AKR1E2: variants seen among roughly 807,000 people sequenced by gnomAD.
AKR1E2 encodes the protein aldo-keto reductase family 1 member E2.
In AKR1E2, 43 loss-of-function variants were observed where a neutral mutation model predicts 41.9. That is an observed-to-expected ratio of 1.03 (90% CI 0.80 to 1.32). The LOEUF is 1.32. Among genes scored for constraint, AKR1E2 ranks in the 40% most tolerant of loss-of-function variants. The pLI, the probability that AKR1E2 is intolerant of heterozygous loss-of-function variation, is 0.00. For missense variants in AKR1E2, 423 were observed against 396.5 expected (o/e 1.07, Z -0.57); for synonymous variants, 121 against 138.9 (o/e 0.87, Z 0.91).
At chr10:4,830,241 T>C (rs187488362) in intron 1 of AKR1E2, among the ~76,000 whole-genome samples, 157 of 152,322 alleles carry the variant, frequency 1.0e-3, no homozygotes, top group African/African-American at 3.5e-3. Flanking sequence ...TATACATTCA[T>C]TTAGGTTTTG....
chr10:4,854,597 G>A, the AKR1E2 span, among the ~76,000 whole-genome samples: 1 of 152,128 alleles, frequency 6.6e-6, no homozygotes, highest in Non-Finnish European at 1.5e-5. Context: ...GGTGGGTGGG[G>A]TCCAGTAACA....
the AKR1E2 span, among the ~76,000 whole-genome samples, chr10:4,856,130 G>T: frequency 6.6e-6 from 1 of 152,318 alleles, no homozygotes; most frequent in Non-Finnish European, 1.5e-5. Context: ...TACATGCAAG[G>T]TATGTAAAGA....
the AKR1E2 span, among the ~76,000 whole-genome samples, chr10:4,858,323 C>A: frequency 1.3e-5 from 2 of 152,136 alleles, no homozygotes; most frequent in Non-Finnish European, 2.9e-5. Context: ...AAGTTGGGTA[C>A]TGTTTTTATA....
intron 2 of AKR1E2, among the ~76,000 whole-genome samples, 200 bp downstream of exon 2, chr10:4,831,042 A>C (rs886130912): frequency 6.6e-6 from 1 of 152,230 alleles, no homozygotes; most frequent in Non-Finnish European, 1.5e-5. Flanking sequence ...TTCAGGTAGG[A>C]GTACACAGAT....
In AKR1E2 at chr10:4,835,740, G is replaced by T; in HGVS notation, c.390G>T (p.Val130=). The T allele has an allele frequency of 1.9e-6, 3 of 1,614,148 alleles. No individual in the cohort carries two copies. The highest frequency in any genetic ancestry group is 2.5e-6 in the Non-Finnish European group (3 of 1,180,030). Residue 130 remains valine (V), a synonymous_variant, in exon 4 of 10, where the codon GTG becomes GTT. Coordinates refer to ENST00000298375, the MANE Select transcript of AKR1E2 (RefSeq NM_001040177.3). ...ELSFCLSHPR[V]QDLPLDESNM... ...CCTTCTGCCTCTCACATCCTCGAGT[G>T]CAGGACTTGCCTCTGGACGAGAGCA...
the AKR1E2 span, among the ~76,000 whole-genome samples, chr10:4,864,395 T>C: frequency 1.3e-5 from 2 of 152,248 alleles, no homozygotes; most frequent in East Asian, 1.9e-4. Context: ...AAAAGGCCTT[T>C]GACAAAATTC....
chr10:4,842,524 T>A lies in AKR1E2; in HGVS notation c.837+20T>A. ...ATCCAGGTAGGTGTATTCCTTCTTT[T>A]ATTTGGCGGGTTTCAGATCATGTGT... On this transcript the variant is annotated intron_variant, in intron 8 of 9. Coordinates refer to ENST00000298375, the MANE Select transcript of AKR1E2 (RefSeq NM_001040177.3). The A allele has an allele frequency of 6.2e-7, 1 of 1,610,200 alleles. No individual in the cohort carries two copies. Among genetic ancestry groups the A allele is most frequent in the Non-Finnish European group, 8.5e-7 (1 of 1,176,786 alleles).
At chr10:4,855,260 G>GA in the AKR1E2 span, among the ~76,000 whole-genome samples, 5 of 152,224 alleles carry the variant, frequency 3.3e-5, no homozygotes, top group African/African-American at 1.2e-4. Flanking sequence ...TTGATTAATG[G>GA]AAAAAAGGAT....
chr10:4,845,993 G>A (rs752027206), intron 8 of AKR1E2: 3 of 406,670 alleles, frequency 7.4e-6, no homozygotes, highest in Non-Finnish European at 1.5e-5. Flanking sequence ...CCAGTGCAGG[G>A]GGCTGCCCCG....
the AKR1E2 span, among the ~76,000 whole-genome samples, chr10:4,857,502 C>T: frequency 6.6e-6 from 1 of 152,154 alleles, no homozygotes; most frequent in Non-Finnish European, 1.5e-5. Context: ...GAAGCTTCCC[C>T]AGAAGTTGAG....
Position 4,835,741 on chromosome 10 carries a change from C to T in AKR1E2, c.391C>T (p.Gln131Ter), listed in dbSNP as rs1302783070. Residue 131 changes from glutamine to a stop codon, truncating the protein, a stop_gained, in exon 4 of 10, where the codon CAG (glutamine) becomes TAG (stop). Transcript: ENST00000298375. LOFTEE classifies it high-confidence loss of function. ...LSFCLSHPRV[Q>*]DLPLDESNMV... ...CTTCTGCCTCTCACATCCTCGAGTG[C>T]AGGACTTGCCTCTGGACGAGAGCAA... is the stretch of plus-strand genomic sequence containing the variant. 6.2e-7 allele frequency: 1 copy of T among 1,614,200 alleles called. No individual in the cohort carries two copies. The highest frequency in any genetic ancestry group is 1.7e-5 in the Admixed American group (1 of 60,028).
the AKR1E2 span, among the ~76,000 whole-genome samples, chr10:4,858,613 T>C: frequency 5.9e-5 from 9 of 152,106 alleles, no homozygotes; most frequent in Non-Finnish European, 1.0e-4. Flanking sequence ...TAAGGTTCAA[T>C]AGAAAGACTG....
At chr10:4,838,881 T>C (rs527254493) in intron 5 of AKR1E2, among the ~76,000 whole-genome samples, 64 of 152,176 alleles carry the variant, frequency 4.2e-4, no homozygotes, top group African/African-American at 1.5e-3. Flanking sequence ...GTAGACAAAG[T>C]GGGGTGGAGG....
Position 4,847,654 on chromosome 10 carries a change from G to T in AKR1E2, c.*124G>T. 1 of 1,169,838 alleles carries T rather than the reference G, an allele frequency of 8.5e-7. No homozygotes were observed. Among genetic ancestry groups the T allele is most frequent in the Non-Finnish European group, 1.2e-6 (1 of 809,492 alleles). The allele number at this position is 1,169,838 out of a possible 1,614,324, so 72.5% of individuals were successfully genotyped here. A position where few individuals can be genotyped will look rare whatever the true frequency, so the allele number is the denominator to read the frequency against. ...CTGGGACAGGAGCCACACAGTCAGA[G>T]GGGGATGTAAGAGCCACCTTCTCTG... On this transcript the variant is annotated 3_prime_UTR_variant, in exon 10 of 10. Coordinates refer to ENST00000298375, the MANE Select transcript of AKR1E2 (RefSeq NM_001040177.3).
At chr10:4,854,097 T>TG in the AKR1E2 span, among the ~76,000 whole-genome samples, 16,774 of 120,936 alleles carry the variant, frequency 0.14, 1,302 homozygotes, top group South Asian at 0.18. Context: ...TTTTTTTTTT[T>TG]TTTTTTTTTT....
chr10:4,860,374 T>C, the AKR1E2 span, among the ~76,000 whole-genome samples: 1 of 152,204 alleles, frequency 6.6e-6, no homozygotes, highest in African/African-American at 2.4e-5. Context: ...TTCTTCGTTT[T>C]TATAGACAGA....
At position 4,841,874 on chromosome 10, in the gene AKR1E2, G is replaced by C. The variant is rs140374828; in HGVS notation, c.753+17G>C. On this transcript the variant is annotated intron_variant, in intron 7 of 9. Transcript: ENST00000298375. ...CCTGCTCAGGTAGGGAGGGAGGGCTGTTCTGAGCCAGGTGGGGTTCTCTGA... is the reference window on the plus strand; with the variant it reads ...CCTGCTCAGGTAGGGAGGGAGGGCTCTTCTGAGCCAGGTGGGGTTCTCTGA... The C allele has an allele frequency of 6.6e-4, 1,055 of 1,610,226 alleles. 5 individuals carry two copies. The African/African-American group carries it at 0.011, about 17-fold the overall frequency.
chr10:4,867,729 A>G, the AKR1E2 span, among the ~76,000 whole-genome samples: 2 of 152,178 alleles, frequency 1.3e-5, no homozygotes, highest in African/African-American at 4.8e-5. Flanking sequence ...CATTGCTTTC[A>G]GCTCTGTGTA....
the AKR1E2 span, chr10:4,871,775 C>T: frequency 1.3e-5 from 2 of 152,090 alleles, no homozygotes; most frequent in African/African-American, 4.8e-5. Flanking sequence ...GGTCTTAGGC[C>T]AACTTGTGAC....
Sources: gnomAD v4.1 joint callset for allele counts (sites outside exome capture counted in the v4.1 genomes callset) on GRCh38, gnomAD v4.1.1 for gene constraint, MANE v1.5 for transcripts, NCBI Gene and HGNC (gene_info 2026-07-23, HGNC 2026-07-21) for gene names.